The following CDH12 variants were observed in gnomAD, a reference collection of about 807,000 sequenced individuals.
CDH12 encodes cadherin 12.
In CDH12, 41 loss-of-function variants were observed where a neutral mutation model predicts 74.1. The ratio of observed to expected loss-of-function variants is 0.55; its 90% CI spans 0.43 to 0.72. The LOEUF is 0.72. CDH12 is among the 30% of genes least tolerant of loss of function. CDH12 has a pLI of 0.00. For synonymous variants in CDH12, 399 were observed against 355.0 expected, an observed-to-expected ratio of 1.12 and a Z score of -1.39; for missense variants, 945 against 977.2, an observed-to-expected ratio of 0.97 and a Z score of 0.44.
chr5:22,520,891 T>C (rs1737026085), intron 1 of CDH12, among the ~76,000 whole-genome samples: 1 of 152,148 alleles, frequency 6.6e-6, no homozygotes, highest in Non-Finnish European at 1.5e-5. Context: ...GCACGTGGTT[T>C]CCGTTAGTTA....
intron 3 of CDH12, among the ~76,000 whole-genome samples, chr5:22,213,911 G>A (rs2150364444): frequency 6.6e-6 from 1 of 152,108 alleles, no homozygotes; most frequent in Non-Finnish European, 1.5e-5. Context: ...TTTCTTTGAT[G>A]TGTGTGTGCG....
At chr5:22,409,298 ATCTGAGGTATAC>A (rs1743082068) in intron 2 of CDH12, among the ~76,000 whole-genome samples, 1 of 151,986 alleles carries the variant, frequency 6.6e-6, no homozygotes, top group Non-Finnish European at 1.5e-5. Context: ...AAGTCTTCTT[ATCTGAGGTATAC>A]ACTTGTAGCA....
intron 4 of CDH12, among the ~76,000 whole-genome samples, chr5:22,131,399 A>T (rs1355326353): frequency 2.6e-5 from 4 of 151,946 alleles, no homozygotes; most frequent in African/African-American, 9.7e-5. Context: ...CATAGTCCTA[A>T]CCCAACTTGG....
intron 6 of CDH12, among the ~76,000 whole-genome samples, chr5:21,922,623 C>T (rs947457986): frequency 6.6e-6 from 1 of 152,068 alleles, no homozygotes; most frequent in Admixed American, 6.6e-5. Context: ...CTACAAGGCT[C>T]ATACAGACAT....
chr5:22,304,352 G>A (rs1012560949), intron 3 of CDH12, among the ~76,000 whole-genome samples: 1 of 152,130 alleles, frequency 6.6e-6, no homozygotes, highest in African/African-American at 2.4e-5. Flanking sequence ...AAGGGGGTGT[G>A]TGTGCACGTA....
At chr5:22,052,618 A>T (rs904257629) in intron 5 of CDH12, among the ~76,000 whole-genome samples, 6 of 152,112 alleles carry the variant, frequency 3.9e-5, no homozygotes, top group African/African-American at 1.4e-4. Context: ...TTGATTTGCA[A>T]GATTTGTTTT....
At chr5:21,952,237 G>A (rs1755896837) in intron 6 of CDH12, among the ~76,000 whole-genome samples, 1 of 152,130 alleles carries the variant, frequency 6.6e-6, no homozygotes, top group Non-Finnish European at 1.5e-5. Context: ...GTAGGGAGGT[G>A]GAGAATTTTG....
At chr5:22,372,803 G>C (rs1580577706) in intron 3 of CDH12, among the ~76,000 whole-genome samples, 2 of 152,268 alleles carry the variant, frequency 1.3e-5, no homozygotes, top group African/African-American at 4.8e-5. Flanking sequence ...AAAGGACTTT[G>C]TGCCCTGAAA....
intron 3 of CDH12, among the ~76,000 whole-genome samples, chr5:22,250,888 A>T (rs1477469901): frequency 6.6e-6 from 1 of 152,190 alleles, no homozygotes; most frequent in Non-Finnish European, 1.5e-5. Context: ...TATAGGAAAA[A>T]GTCCAGTAGA....
At chr5:22,797,647 GA>G (rs1748297845) in intron 1 of CDH12, among the ~76,000 whole-genome samples, 2 of 152,166 alleles carry the variant, frequency 1.3e-5, no homozygotes, top group African/African-American at 4.8e-5. Flanking sequence ...CATCTATGTA[GA>G]AATAAAAGAT....
intron 1 of CDH12, among the ~76,000 whole-genome samples, chr5:22,811,274 A>G (rs918438403): frequency 6.6e-6 from 1 of 152,148 alleles, no homozygotes; most frequent in Non-Finnish European, 1.5e-5. Context: ...TTGGGATTTC[A>G]CAGCGGTTAA....
chr5:22,663,826 A>AAC lies in CDH12; in HGVS notation c.-522-158464_-522-158463dup, dbSNP rs202086758. On this transcript the variant is annotated intron_variant, in intron 1 of 14. Transcript: ENST00000382254. The stretch of plus-strand genomic sequence containing the variant: ...CATGATATAAGAATTATTTTACAAT[A>AAC]ACAATTATATATAAAATCTCAAAGT... 7.4e-3 allele frequency among the ~76,000 whole-genome samples: 459 copies of AAC among 62,330 alleles called. 5 individuals carry two copies. The highest frequency in any genetic ancestry group is 0.047 in the African/African-American group (429 of 9,124). 40.9% of individuals were successfully genotyped at this position (62,330 alleles called of 152,430 possible).
intron 9 of CDH12, among the ~76,000 whole-genome samples, chr5:21,803,497 C>T (rs1039150191): frequency 1.3e-5 from 2 of 152,040 alleles, no homozygotes; most frequent in Non-Finnish European, 2.9e-5. Context: ...TATGGAGTCA[C>T]GGATGCTCAG....
intron 6 of CDH12, among the ~76,000 whole-genome samples, chr5:21,962,187 A>G (rs1312774722): frequency 1.3e-5 from 2 of 151,668 alleles, no homozygotes; most frequent in Admixed American, 6.6e-5. Context: ...TTTCTTTCCC[A>G]TTTTCTGACT....
intron 3 of CDH12, among the ~76,000 whole-genome samples, chr5:22,385,882 C>T (rs928165176): frequency 2.2e-4 from 31 of 142,350 alleles, no homozygotes; most frequent in Admixed American, 1.3e-3. Flanking sequence ...AATGGCTACG[C>T]GCTTTTTTTT....
chr5:22,302,158 T>C (rs1217501443), intron 3 of CDH12, among the ~76,000 whole-genome samples: 2 of 151,842 alleles, frequency 1.3e-5, no homozygotes, highest in East Asian at 3.9e-4. Flanking sequence ...AGACATAAGG[T>C]CAATAAAATA....
intron 5 of CDH12, among the ~76,000 whole-genome samples, chr5:21,991,494 T>C (rs1757747216): frequency 6.8e-6 from 1 of 148,036 alleles, no homozygotes; most frequent in African/African-American, 2.5e-5. Flanking sequence ...CAAATATATA[T>C]ATACATTTAT....
In CDH12 at chr5:22,599,090, G is replaced by A. The variant is rs1177345957; in HGVS notation, c.-522-93726C>T. Among the ~76,000 whole-genome samples the A allele has an allele frequency of 1.5e-4, 23 of 152,144 alleles. 1 individual carries two copies. Among genetic ancestry groups the A allele is most frequent in the Admixed American group, 1.5e-3 (23 of 15,276 alleles). On this transcript the variant is annotated intron_variant, in intron 1 of 14. Transcript: ENST00000382254. ...ATGTTTGATGCCTTTCTCATGAGAT[G>A]TAGGCCCACACATCCAACAGCCTGC...
chr5:21,854,749 G>C lies in CDH12; in HGVS notation c.568C>G (p.Pro190Ala), dbSNP rs201503504. ...ACTCTGGCACTGTTTCCATAGGTCG[G>C]GTCATCTGCATCTGTGGCCTTGACC... ...LQVKATDADD[P>A]TYGNSARVVY... Residue 190 changes from proline to alanine, a missense_variant, in exon 7 of 15, where the codon CCG (proline) becomes GCG (alanine). Coordinates refer to ENST00000382254, the MANE Select transcript of CDH12 (RefSeq NM_004061.5). The C allele has an allele frequency of 1.2e-6, 2 of 1,608,504 alleles. No individual in the cohort carries two copies. The highest frequency in any genetic ancestry group is 1.7e-5 in the Admixed American group (1 of 59,638).
Sources: allele counts gnomAD v4.1 joint callset (sites outside exome capture counted in the v4.1 genomes callset), GRCh38; gene constraint gnomAD v4.1.1; transcripts MANE v1.5; gene names NCBI Gene and HGNC (gene_info 2026-07-23, HGNC 2026-07-21).